TET2: variants seen among roughly 807,000 people sequenced by gnomAD.
TET2 encodes tet methylcytosine dioxygenase 2, also known as methylcytosine dioxygenase TET2.
In TET2, 299 loss-of-function variants were observed where a neutral mutation model predicts 142.9. The ratio of observed to expected loss-of-function variants is 2.09; its 90% CI spans 1.90 to 2.30. The LOEUF is 2.30. Ranked by LOEUF, TET2 falls within the 30% of genes most tolerant of loss-of-function variation. TET2 has a pLI of 0.00. For synonymous variants in TET2, 819 were observed against 849.0 expected (o/e 0.96, Z 0.61); for missense variants, 2,418 against 2,378.0 (o/e 1.02, Z -0.35).
In TET2 at chr4:105,235,992, C is replaced by T. The variant is rs1205320001; in HGVS notation, c.2050C>T (p.Gln684Ter). The change falls in exon 3 of 11, where the codon CAA becomes TAA. Residue 684 changes from glutamine (Q) to a stop codon, truncating the protein, a stop_gained. Transcript: ENST00000380013. LOFTEE classifies it high-confidence loss of function. ...ACTGTGTGGCACTAGATTTCATTTT[C>T]AACAAAGAGCAGATTCCCAAACTGA... ...QSLCGTRFHF[Q>*]QRADSQTEKL... 3 of 1,614,166 alleles carry T rather than the reference C, an allele frequency of 1.9e-6. No homozygotes were observed. The highest frequency in any genetic ancestry group is 1.7e-6 in the Non-Finnish European group (2 of 1,180,018).
intron 1 of TET2, among the ~76,000 whole-genome samples, chr4:105,154,506 T>C (rs987967430): frequency 3.3e-5 from 5 of 152,150 alleles, no homozygotes; most frequent in African/African-American, 1.2e-4. Flanking sequence ...AGTTTGAGAT[T>C]AGTCTGGGCA....
At chr4:105,246,485 T>G (rs932855677) in intron 6 of TET2, among the ~76,000 whole-genome samples, 2 of 152,218 alleles carry the variant, frequency 1.3e-5, no homozygotes, top group African/African-American at 4.8e-5. Flanking sequence ...AAGGTAAAGA[T>G]GAATAATCAT....
At chr4:105,213,892 C>T (rs1365886506) in intron 2 of TET2, among the ~76,000 whole-genome samples, 1 of 152,150 alleles carries the variant, frequency 6.6e-6, no homozygotes, top group African/African-American at 2.4e-5. Context: ...CAGAGTCTCC[C>T]TCTGTCGCCC....
chr4:105,256,164 T>A (rs1730119632), intron 6 of TET2, among the ~76,000 whole-genome samples: 1 of 152,178 alleles, frequency 6.6e-6, no homozygotes, highest in Admixed American at 6.5e-5. Flanking sequence ...TACAAAAAAA[T>A]ACATATATGA....
At chr4:105,258,872 A>ATATT in intron 6 of TET2, among the ~76,000 whole-genome samples, 1 of 152,184 alleles carries the variant, frequency 6.6e-6, no homozygotes, top group East Asian at 1.9e-4. Flanking sequence ...CTGTAATACT[A>ATATT]TATTTTAGCC....
At chr4:105,147,168 C>T (rs1322730861) in intron 1 of TET2, among the ~76,000 whole-genome samples, 189 bp downstream of exon 1, 2 of 152,222 alleles carry the variant, frequency 1.3e-5, no homozygotes, top group African/African-American at 2.4e-5. Context: ...TTCCCTCTAC[C>T]CCTTTTAAAC....
chr4:105,154,805 T>C (rs1723482138), intron 1 of TET2, among the ~76,000 whole-genome samples: 1 of 152,082 alleles, frequency 6.6e-6, no homozygotes, highest in African/African-American at 2.4e-5. Flanking sequence ...TGGGTGGGTC[T>C]CTTGAGCTCA....
At position 105,275,214 on chromosome 4, in the gene TET2, A is replaced by G. The variant is rs1382162609; in HGVS notation, c.4704A>G (p.Pro1568=). The change falls in exon 11 of 11, where the codon CCA becomes CCG. Residue 1568 remains proline (P), a synonymous_variant. Coordinates refer to ENST00000380013, the MANE Select transcript of TET2 (RefSeq NM_001127208.3). Reference sequence around the variant, plus strand: ...ATTCTGCTTCTGGATCCACCAATCCATACATGAGACGGCCCAATCCAGTTA... The same window carrying G: ...ATTCTGCTTCTGGATCCACCAATCCGTACATGAGACGGCCCAATCCAGTTA... ...NSYSASGSTN[P]YMRRPNPVSP... 3 of 1,552,364 alleles carry G rather than the reference A, an allele frequency of 1.9e-6. No individual in the cohort carries two copies. The highest frequency in any genetic ancestry group is 2.6e-6 in the Non-Finnish European group (3 of 1,147,136).
At chr4:105,263,428 A>C (rs929816030) in intron 8 of TET2, among the ~76,000 whole-genome samples, 3 of 152,238 alleles carry the variant, frequency 2.0e-5, no homozygotes, top group Non-Finnish European at 4.4e-5. Flanking sequence ...GCAGGAATTA[A>C]GTATGTACAC....
At chr4:105,147,575 T>G (rs1373952337) in intron 1 of TET2, 3 of 142,004 alleles carry the variant, frequency 2.1e-5, no homozygotes, top group African/African-American at 5.8e-5. Flanking sequence ...ACTGAGTGGG[T>G]TTTTTTTTTC....
intron 9 of TET2, among the ~76,000 whole-genome samples, chr4:105,271,430 G>C (rs925449099): frequency 6.7e-6 from 1 of 150,176 alleles, no homozygotes; most frequent in Non-Finnish European, 1.5e-5. Context: ...ATGATGAGAA[G>C]GATGTTTAGA....
rs2110227958 is a variant in TET2 at position 105,235,502 on chromosome 4, T to A, written c.1560T>A (p.Gly520=). ...EHLKHNPPIF[G]SSGELQDNCQ... is the part of the protein sequence containing the mutation. ...TCAAGCATAACCCACCAATTTTTGG[T>A]AGCAGTGGAGAGCTACAGGACAACT... The change falls in exon 3 of 11, where the codon GGT becomes GGA. Residue 520 remains glycine (G), a synonymous_variant. Transcript: ENST00000380013. 1 of 1,614,138 alleles carries A rather than the reference T, an allele frequency of 6.2e-7. No individual in the cohort carries two copies. Among genetic ancestry groups the A allele is most frequent in the Non-Finnish European group, 8.5e-7 (1 of 1,180,010 alleles).
intron 1 of TET2, among the ~76,000 whole-genome samples, chr4:105,180,616 G>A (rs560648690): frequency 2.6e-5 from 4 of 151,234 alleles, no homozygotes; most frequent in South Asian, 4.2e-4. Context: ...AGTATTTCAC[G>A]TTCTAATTGA....
At chr4:105,233,396 A>G (rs2110217602) in intron 2 of TET2, among the ~76,000 whole-genome samples, 1 of 150,530 alleles carries the variant, frequency 6.6e-6, no homozygotes, top group Non-Finnish European at 1.5e-5. Flanking sequence ...AAAAAAAAAA[A>G]AAAAAGCTAC....
intron 1 of TET2, among the ~76,000 whole-genome samples, chr4:105,176,562 C>A (rs959330930): frequency 6.6e-6 from 1 of 152,068 alleles, no homozygotes; most frequent in African/African-American, 2.4e-5. Flanking sequence ...AAATGAAATA[C>A]TTTTGTATAA....
At chr4:105,183,577 C>T (rs898289136) in intron 1 of TET2, among the ~76,000 whole-genome samples, 6 of 152,016 alleles carry the variant, frequency 3.9e-5, no homozygotes, top group Admixed American at 1.3e-4. Flanking sequence ...CCTAAGTGAT[C>T]GGCTCAAGAT....
intron 6 of TET2, among the ~76,000 whole-genome samples, chr4:105,249,583 G>T (rs1342761629): frequency 6.6e-6 from 1 of 152,164 alleles, no homozygotes; most frequent in Non-Finnish European, 1.5e-5. Flanking sequence ...GAAGGTTCCA[G>T]TGTATCTCCA....
Position 105,260,609 on chromosome 4 carries a change from TTAAAA to T in TET2, c.3954+843_3954+847del, listed in dbSNP as rs1730377417. ...ATTATCTTTTGAATTTCGAATACAATTAAAATATTTCCATACTATAGATATTATAA... is the reference window on the plus strand; with the variant it reads ...ATTATCTTTTGAATTTCGAATACAATTATTTCCATACTATAGATATTATAA... On this transcript the variant is annotated intron_variant, in intron 7 of 10. Coordinates refer to ENST00000380013, the MANE Select transcript of TET2 (RefSeq NM_001127208.3). Among the ~76,000 whole-genome samples, 5 of 152,270 alleles carry T rather than the reference TTAAAA, an allele frequency of 3.3e-5. 1 individual carries two copies. The South Asian group carries it at 1.0e-3, about 32-fold the overall frequency.
rs139921656 is a variant in TET2, at chr4:105,250,575, A to C, written c.3803+6797A>C. On this transcript the variant is annotated intron_variant, in intron 6 of 10. Transcript: ENST00000380013. ...GGGGTTCTGTTGAATCTGTTGGTCAATTTGGAGAGTATTGATATCTTAACA... is the reference window on the plus strand; with the variant it reads ...GGGGTTCTGTTGAATCTGTTGGTCACTTTGGAGAGTATTGATATCTTAACA... Among the ~76,000 whole-genome samples, 684 of 151,788 alleles carry C rather than the reference A, an allele frequency of 4.5e-3. 7 individuals are homozygous for C. The highest frequency in any genetic ancestry group is 0.016 in the African/African-American group (664 of 41,408).
Sources: allele counts gnomAD v4.1 joint callset (sites outside exome capture counted in the v4.1 genomes callset), GRCh38; gene constraint gnomAD v4.1.1; transcripts MANE v1.5; gene names NCBI Gene and HGNC (gene_info 2026-07-23, HGNC 2026-07-21).